The following ADGRE3 variants were observed in gnomAD, a reference collection of about 807,000 sequenced individuals.
The protein encoded by ADGRE3 is EGF-like module receptor 3.
In ADGRE3, 88 loss-of-function variants were observed where a neutral mutation model predicts 80.1. That is an observed-to-expected ratio of 1.10 (90% confidence interval 0.93 to 1.31). The LOEUF is 1.31. Ranked by LOEUF, ADGRE3 falls within the 40% of genes most tolerant of loss-of-function variation. The pLI is 0.00. For missense variants in ADGRE3, 715 were observed against 776.5 expected, an observed-to-expected ratio of 0.92 and a Z score of 0.94; for synonymous variants, 281 against 294.8, an observed-to-expected ratio of 0.95 and a Z score of 0.48.
intron 4 of ADGRE3, 61 bp downstream of exon 4, chr19:14,661,902 A>C (rs1244426967): frequency 6.4e-7 from 1 of 1,567,654 alleles, no homozygotes; most frequent in Non-Finnish European, 8.7e-7. Flanking sequence ...AACAAAACAA[A>C]ACAAACAAAC....
At chr19:14,618,771 G>A (rs151170938), downstream of ADGRE3, among the ~76,000 whole-genome samples, 1,170 of 137,406 alleles carry the variant, frequency 8.5e-3, 17 homozygotes, top group African/African-American at 0.03. Context: ...CAGAAGAATC[G>A]CTTGAACCCG....
intron 7 of ADGRE3, among the ~76,000 whole-genome samples, chr19:14,650,238 ATCTCTCTTCCCT>A (rs1204244320): frequency 1.0e-5 from 1 of 100,278 alleles, no homozygotes; most frequent in Admixed American, 1.0e-4. Flanking sequence ...CTCTCTTTCC[ATCTCTCTTCCCT>A]TCTCTCTCTT....
At chr19:14,658,577 C>T in intron 4 of ADGRE3, 27 bp from the exon 5 acceptor site, 10 of 1,532,924 alleles carry the variant, frequency 6.5e-6, no homozygotes, top group Non-Finnish European at 8.8e-6. Context: ...GATGGAGTTA[C>T]TATTGGAACT....
chr19:14,667,955 A>G (rs937005136), intron 2 of ADGRE3, among the ~76,000 whole-genome samples: 9 of 152,160 alleles, frequency 5.9e-5, no homozygotes, highest in Admixed American at 2.0e-4. Context: ...CTCTGTACCC[A>G]CTAAACACTC....
At chr19:14,646,621 T>C (rs1331232284) in intron 8 of ADGRE3, among the ~76,000 whole-genome samples, 2 of 150,542 alleles carry the variant, frequency 1.3e-5, no homozygotes, top group Non-Finnish European at 3.0e-5. Context: ...TGTTTGACAT[T>C]GGTTTGGGGA....
intron 13 of ADGRE3, among the ~76,000 whole-genome samples, chr19:14,631,027 A>T (rs1970867800): frequency 6.6e-6 from 1 of 151,498 alleles, no homozygotes; most frequent in Non-Finnish European, 1.5e-5. Context: ...GCACGTCACC[A>T]CACCCAGCTA....
At chr19:14,669,602 C>T (rs1331719427) in intron 1 of ADGRE3, among the ~76,000 whole-genome samples, 1 of 152,098 alleles carries the variant, frequency 6.6e-6, no homozygotes, top group Non-Finnish European at 1.5e-5. Flanking sequence ...GATTCTCCTG[C>T]CTTAGCCTCC....
intron 8 of ADGRE3, among the ~76,000 whole-genome samples, chr19:14,645,574 G>T (rs888200301): frequency 1.3e-5 from 2 of 151,896 alleles, no homozygotes; most frequent in Non-Finnish European, 2.9e-5. Context: ...CAGGAGAATC[G>T]CTTGGGCCTG....
the ADGRE3 span, chr19:14,611,047 A>G: frequency 6.6e-6 from 1 of 151,402 alleles, no homozygotes; most frequent in African/African-American, 2.4e-5. Flanking sequence ...GTGACAGAAA[A>G]ATTTCCCTTT....
chr19:14,621,456 G>GA lies in ADGRE3; in HGVS notation c.1921-1986dup, dbSNP rs373674713. Among the ~76,000 whole-genome samples the GA allele has an allele frequency of 8.4e-3, 1,162 of 138,972 alleles. 26 individuals carry two copies. Among genetic ancestry groups the GA allele is most frequent in the African/African-American group, 0.027 (988 of 37,264 alleles). The allele number at this position is 138,972 out of a possible 152,430, so 91.2% of individuals were successfully genotyped here. A position where few individuals can be genotyped will look rare whatever the true frequency, so the allele number is the denominator to read the frequency against. On this transcript the variant is annotated intron_variant, in intron 15 of 15. Transcript: ENST00000253673. ...GGTGATAGAGTGAGACTCTGTCTCA[G>GA]AAAAAAAAAAAAGTGAAAAGAAAAG...
At chr19:14,620,769 T>C (rs1001293506) in intron 15 of ADGRE3, among the ~76,000 whole-genome samples, 2 of 149,566 alleles carry the variant, frequency 1.3e-5, no homozygotes, top group African/African-American at 4.9e-5. Context: ...GGTTAATTCT[T>C]TGATGTTTCT....
chr19:14,663,403 A>G lies in ADGRE3; in HGVS notation c.199+15T>C, dbSNP rs1185759073. Reference sequence around the variant, plus strand: ...AATAAAATAATAATAATAAAAAATAATAATACTTCTTTACCGTTACATGTC... The same window carrying G: ...AATAAAATAATAATAATAAAAAATAGTAATACTTCTTTACCGTTACATGTC... On this transcript the variant is annotated intron_variant, in intron 3 of 15. Transcript: ENST00000253673. 1 of 1,471,350 alleles carries G rather than the reference A, an allele frequency of 6.8e-7. No individual in the cohort carries two copies. The highest frequency in any genetic ancestry group is 9.1e-7 in the Non-Finnish European group (1 of 1,095,514). The allele number at this position is 1,471,350 out of a possible 1,614,324, so 91.1% of individuals were successfully genotyped here.
At chr19:14,620,328 T>G (rs980653344) in intron 15 of ADGRE3, among the ~76,000 whole-genome samples, 5 of 82,078 alleles carry the variant, frequency 6.1e-5, no homozygotes, top group Non-Finnish European at 1.1e-4. Flanking sequence ...CTGGGATTAC[T>G]GGCATGAGCC....
chr19:14,627,015 G>C (rs1371818051), intron 14 of ADGRE3, among the ~76,000 whole-genome samples: 1 of 152,216 alleles, frequency 6.6e-6, no homozygotes, highest in South Asian at 2.1e-4. Flanking sequence ...AGAAGCCAAA[G>C]GGATATGAGA....
chr19:14,665,934 G>GTGTA (rs1972082229), intron 2 of ADGRE3, among the ~76,000 whole-genome samples: 1 of 8,750 alleles, frequency 1.1e-4, no homozygotes, highest in Non-Finnish European at 2.0e-4. Context: ...ACACACATAT[G>GTGTA]TGTATATATA....
rs1599650509 is a variant in ADGRE3, at chr19:14,663,685, C to T, written c.77-145G>A. 6.5e-6 allele frequency: 6 copies of T among 920,186 alleles called. No individual in the cohort carries two copies. In the East Asian group the frequency reaches 1.8e-4, roughly 28 times the overall value. The allele number at this position is 920,186 out of a possible 1,614,324, so 57.0% of individuals were successfully genotyped here. A position where few individuals can be genotyped will look rare whatever the true frequency, so the allele number is the denominator to read the frequency against. On this transcript the variant is annotated intron_variant, in intron 2 of 15. Transcript: ENST00000253673. ...GAAACCCCATTTCTACTAAAAATAC[C>T]AAAAATAGCCAGGCGTGGTGGTGCA...
chr19:14,620,530 ATATATTTTATATATATAT>A (rs1192695391), intron 15 of ADGRE3, among the ~76,000 whole-genome samples: 111 of 10,632 alleles, frequency 0.01, 6 homozygotes, highest in African/African-American at 0.019. Flanking sequence ...ATATGAATAT[ATATATTTTATATATATAT>A]TATATATATA....
At chr19:14,643,405 A>G (rs1971307301) in intron 9 of ADGRE3, among the ~76,000 whole-genome samples, 1 of 151,786 alleles carries the variant, frequency 6.6e-6, no homozygotes, top group African/African-American at 2.4e-5. Context: ...CGGCCTCCCA[A>G]AGTGCTGGGA....
rs201149497 is a variant in ADGRE3 at position 14,663,469 on chromosome 19, T to C, written c.148A>G (p.Thr50Ala). The change falls in exon 3 of 16, where the codon ACT (threonine) becomes GCT (alanine). Residue 50 changes from threonine (T) to alanine (A), a missense_variant. Transcript: ENST00000253673. ...AATAGTTTCTGCCCAGATCCAGAAG[T>C]ATATCCATGGTTGCAGGTGCAGTGA... Reference protein sequence around the residue: ...NTHCTCNHGYTSGSGQKLFTF... With the variant: ...NTHCTCNHGYASGSGQKLFTF... The C allele has an allele frequency of 5.6e-6, 9 of 1,613,322 alleles. No individual in the cohort carries two copies.
Sources: gnomAD v4.1 joint callset for allele counts (sites outside exome capture counted in the v4.1 genomes callset) on GRCh38, gnomAD v4.1.1 for gene constraint, MANE v1.5 for transcripts, NCBI Gene and HGNC (gene_info 2026-07-23, HGNC 2026-07-21) for gene names.